The following UNC5C variants were observed in gnomAD, a reference collection of about 807,000 sequenced individuals.
UNC5C encodes unc-5 netrin receptor C.
A neutral mutation model predicts 99.8 loss-of-function variants in UNC5C; 47 were observed. That is an observed-to-expected ratio of 0.47 (90% CI 0.37 to 0.60). The LOEUF (loss-of-function observed/expected upper bound fraction) is 0.60. Among genes scored for constraint, UNC5C ranks in the 20% least tolerant of loss-of-function variants. The pLI, the probability that UNC5C is intolerant of heterozygous loss-of-function variation, is 0.00. For synonymous variants in UNC5C, 487 were observed against 452.2 expected, an observed-to-expected ratio of 1.08 and a Z score of -0.98; for missense variants, 1,062 against 1,165.9, an observed-to-expected ratio of 0.91 and a Z score of 1.30.
At chr4:95,499,778 C>T (rs557351164) in intron 1 of UNC5C, among the ~76,000 whole-genome samples, 12 of 151,916 alleles carry the variant, frequency 7.9e-5, no homozygotes, top group East Asian at 7.8e-4. Flanking sequence ...CATTGATGTC[C>T]GGTTAGAAGT....
intron 1 of UNC5C, among the ~76,000 whole-genome samples, chr4:95,518,991 G>C (rs370399982): frequency 6.6e-6 from 1 of 152,108 alleles, no homozygotes; most frequent in African/African-American, 2.4e-5. Context: ...GGAGGGACTT[G>C]ACTAGAGAAA....
At chr4:95,444,573 C>T (rs889156356) in intron 1 of UNC5C, among the ~76,000 whole-genome samples, 5 of 152,210 alleles carry the variant, frequency 3.3e-5, no homozygotes, top group South Asian at 2.1e-4. Flanking sequence ...CCTCGTGATC[C>T]GCCCGCCTCA....
intron 1 of UNC5C, among the ~76,000 whole-genome samples, chr4:95,370,954 T>C (rs1014175194): frequency 1.3e-5 from 2 of 152,220 alleles, no homozygotes; most frequent in African/African-American, 2.4e-5. Flanking sequence ...GTCTTGACGT[T>C]GTTTATCTAG....
chr4:95,467,466 A>G (rs529968348), intron 1 of UNC5C, among the ~76,000 whole-genome samples: 1 of 152,298 alleles, frequency 6.6e-6, no homozygotes, highest in African/African-American at 2.4e-5. Context: ...CAGCATGCAT[A>G]TATTTTCTTT....
intron 1 of UNC5C, among the ~76,000 whole-genome samples, chr4:95,348,174 C>A (rs538126259): frequency 6.6e-6 from 1 of 152,084 alleles, no homozygotes; most frequent in African/African-American, 2.4e-5. Context: ...CATCATTGAT[C>A]ATTATAGAAA....
chr4:95,367,833 T>A (rs1027629243), intron 1 of UNC5C, among the ~76,000 whole-genome samples: 9 of 152,244 alleles, frequency 5.9e-5, no homozygotes, highest in African/African-American at 2.2e-4. Context: ...TTGTAGGTGC[T>A]TAAGAAATTC....
intron 1 of UNC5C, among the ~76,000 whole-genome samples, chr4:95,349,131 T>C (rs913769684): frequency 6.6e-6 from 1 of 151,448 alleles, no homozygotes; most frequent in African/African-American, 2.4e-5. Flanking sequence ...ATAATTGGAT[T>C]GCTTGTAACA....
intron 4 of UNC5C, among the ~76,000 whole-genome samples, chr4:95,253,220 TA>T (rs1293455038): frequency 6.6e-6 from 1 of 152,184 alleles, no homozygotes; most frequent in African/African-American, 2.4e-5. Context: ...GGAGAACCCA[TA>T]GCTATTCAAA....
intron 1 of UNC5C, among the ~76,000 whole-genome samples, chr4:95,410,768 G>T (rs1417748486): frequency 2.0e-5 from 3 of 152,124 alleles, no homozygotes; most frequent in Non-Finnish European, 2.9e-5. Flanking sequence ...GCAAATGACA[G>T]CATTCAAATG....
At chr4:95,219,592 G>A (rs1024835399) in intron 8 of UNC5C, among the ~76,000 whole-genome samples, 4 of 152,118 alleles carry the variant, frequency 2.6e-5, no homozygotes, top group South Asian at 4.1e-4. Flanking sequence ...ATTGAACAAC[G>A]AGCCTCACTA....
At chr4:95,169,957 C>T (rs1736022449) in intron 15 of UNC5C, among the ~76,000 whole-genome samples, 197 bp downstream of exon 15, 1 of 152,148 alleles carries the variant, frequency 6.6e-6, no homozygotes, top group African/African-American at 2.4e-5. Context: ...GCCAGATAAG[C>T]TCAGAATGTC....
intron 4 of UNC5C, among the ~76,000 whole-genome samples, chr4:95,277,376 G>A (rs1164853212): frequency 6.6e-6 from 1 of 152,228 alleles, no homozygotes. Flanking sequence ...ATTAATGTGT[G>A]CTTGGACTTG....
chr4:95,511,927 G>T (rs1044009119), intron 1 of UNC5C, among the ~76,000 whole-genome samples: 17 of 152,142 alleles, frequency 1.1e-4, no homozygotes, highest in Admixed American at 9.2e-4. Flanking sequence ...AGGGAAGAAG[G>T]TTGCTTTGTT....
intron 4 of UNC5C, among the ~76,000 whole-genome samples, chr4:95,268,001 G>C (rs912152829): frequency 2.8e-5 from 4 of 141,216 alleles, no homozygotes; most frequent in African/African-American, 1.1e-4. Flanking sequence ...CCAGGCTGGA[G>C]TGCAGTGGCG....
At chr4:95,289,444 A>T (rs1045557982) in intron 3 of UNC5C, among the ~76,000 whole-genome samples, 1 of 152,150 alleles carries the variant, frequency 6.6e-6, no homozygotes, top group Admixed American at 6.5e-5. Context: ...CCTAGGCCTG[A>T]CCCTGCATTA....
chr4:95,480,564 T>G (rs561370129), intron 1 of UNC5C, among the ~76,000 whole-genome samples: 4 of 151,962 alleles, frequency 2.6e-5, no homozygotes, highest in African/African-American at 9.6e-5. Context: ...AAGGAGCATA[T>G]TAAGATGATC....
chr4:95,540,628 G>A (rs1378465099), intron 1 of UNC5C, among the ~76,000 whole-genome samples: 1 of 152,182 alleles, frequency 6.6e-6, no homozygotes, highest in Non-Finnish European at 1.5e-5. Context: ...ATTGCTGCTT[G>A]CTAAACTTGA....
At chr4:95,483,304 T>A (rs1721224806) in intron 1 of UNC5C, among the ~76,000 whole-genome samples, 2 of 151,844 alleles carry the variant, frequency 1.3e-5, no homozygotes, top group African/African-American at 4.8e-5. Context: ...TTCTTCCTTT[T>A]GCGACTATTA....
Position 95,245,031 on chromosome 4 carries a change from C to T in UNC5C, c.889G>A (p.Ala297Thr). 1 of 1,613,986 alleles carries T rather than the reference C, an allele frequency of 6.2e-7. No homozygotes were observed. Among genetic ancestry groups the T allele is most frequent in the Non-Finnish European group, 8.5e-7 (1 of 1,179,966 alleles). Residue 297 changes from alanine to threonine, a missense_variant, in exon 6 of 16, where the codon GCC becomes ACC. Physicochemically the swap from Ala to Thr is moderately conservative, Grantham distance 58. This residue lies in a region of UNC5C where 810 missense variants were observed against 854.5 expected (regional missense o/e 0.95). Coordinates refer to ENST00000453304, the MANE Select transcript of UNC5C (RefSeq NM_003728.4). ...TGCACACTCTGCCCTTCACAGAAGG[C>T]ACCCCCATTGAGTGGTGCCGGGTTG... Reference protein sequence around the residue: ...CTNPAPLNGGAFCEGQSVQKI... With the variant: ...CTNPAPLNGGTFCEGQSVQKI...
Sources: gnomAD v4.1 joint callset for allele counts (sites outside exome capture counted in the v4.1 genomes callset) on GRCh38, gnomAD v4.1.1 for gene constraint, gnomAD v4.1.1 regional missense constraint, MANE v1.5 for transcripts, NCBI Gene and HGNC (gene_info 2026-07-23, HGNC 2026-07-21) for gene names.